CSMD1: variants seen among roughly 807,000 people sequenced by gnomAD.
CSMD1 encodes the protein CUB and Sushi multiple domains 1, also known as CUB and sushi domain-containing protein 1.
In CSMD1, 213 loss-of-function variants were observed where a neutral mutation model predicts 417.5. That is an observed-to-expected ratio of 0.51 (90% CI 0.46 to 0.57). CSMD1 has a LOEUF of 0.57. Among genes scored for constraint, CSMD1 ranks in the 20% least tolerant of loss-of-function variants. The probability of loss-of-function intolerance (pLI) is 0.00; values close to 1 mark genes in which losing one functional copy is unlikely to be tolerated. For missense variants in CSMD1, 6,923 were observed against 4,529.7 expected (o/e 1.53, Z -15.17); for synonymous variants, 2,862 against 1,736.8 (o/e 1.65, Z -16.11).
At chr8:3,120,565 C>T (rs555173451) in intron 41 of CSMD1, among the ~76,000 whole-genome samples, 1 of 152,022 alleles carries the variant, frequency 6.6e-6, no homozygotes, top group Non-Finnish European at 1.5e-5. Context: ...TGACAATGTG[C>T]AGGCTGGGCT....
intron 1 of CSMD1, among the ~76,000 whole-genome samples, chr8:4,884,019 A>C (rs193104845): frequency 6.6e-6 from 1 of 152,038 alleles, no homozygotes; most frequent in African/African-American, 2.4e-5. Flanking sequence ...TTTTGATAAT[A>C]GCCTTCGTAG....
At chr8:3,373,303 C>G (rs1289721717) in intron 18 of CSMD1, 2 of 152,212 alleles carry the variant, frequency 1.3e-5, no homozygotes, top group African/African-American at 2.4e-5. Context: ...ATACCACACA[C>G]AGAACCCGGA....
intron 1 of CSMD1, among the ~76,000 whole-genome samples, chr8:4,988,769 T>C (rs528488158): frequency 6.6e-6 from 1 of 152,242 alleles, no homozygotes; most frequent in Non-Finnish European, 1.5e-5. Context: ...AAATTGCAAC[T>C]GAGCTCAGAA....
chr8:4,104,344 C>T (rs1801456041), intron 3 of CSMD1, among the ~76,000 whole-genome samples: 1 of 152,162 alleles, frequency 6.6e-6, no homozygotes, highest in Non-Finnish European at 1.5e-5. Flanking sequence ...ACACAAAAGG[C>T]ATTAAGACTG....
At chr8:4,856,435 T>A (rs1207425125) in intron 1 of CSMD1, among the ~76,000 whole-genome samples, 1 of 141,770 alleles carries the variant, frequency 7.1e-6, no homozygotes, top group Admixed American at 6.8e-5. Flanking sequence ...TAAATGTCAA[T>A]GGACTAAATG....
intron 8 of CSMD1, among the ~76,000 whole-genome samples, chr8:3,586,926 A>G (rs1463045717): frequency 6.6e-6 from 1 of 152,146 alleles, no homozygotes; most frequent in Non-Finnish European, 1.5e-5. Flanking sequence ...CAGCCTCCTG[A>G]GTAGCTGGGA....
At chr8:3,921,479 G>A (rs896116553) in intron 5 of CSMD1, among the ~76,000 whole-genome samples, 3 of 151,980 alleles carry the variant, frequency 2.0e-5, no homozygotes, top group African/African-American at 7.2e-5. Context: ...GAGGTGTAAA[G>A]TTAGGTTGCT....
chr8:3,726,876 G>C (rs1645859932), intron 6 of CSMD1, among the ~76,000 whole-genome samples: 1 of 152,126 alleles, frequency 6.6e-6, no homozygotes, highest in African/African-American at 2.4e-5. Flanking sequence ...TAGATTTCCT[G>C]TCCCGTTAAA....
At chr8:3,696,465 T>A (rs1271138515) in intron 7 of CSMD1, among the ~76,000 whole-genome samples, 1 of 152,218 alleles carries the variant, frequency 6.6e-6, no homozygotes, top group African/African-American at 2.4e-5. Flanking sequence ...TCTCTGTGAA[T>A]ATAATGCAAA....
At chr8:3,712,934 T>C (rs188911736) in intron 6 of CSMD1, among the ~76,000 whole-genome samples, 9 of 152,292 alleles carry the variant, frequency 5.9e-5, no homozygotes, top group Admixed American at 2.0e-4. Flanking sequence ...TGATACATCA[T>C]TGTGACTGTA....
chr8:4,211,756 A>G (rs1330419426), intron 3 of CSMD1, among the ~76,000 whole-genome samples: 2 of 152,144 alleles, frequency 1.3e-5, no homozygotes, highest in Non-Finnish European at 2.9e-5. Flanking sequence ...GCAAATGTCA[A>G]CCTCCTTCAC....
chr8:4,321,206 A>C (rs1799255124), intron 3 of CSMD1, among the ~76,000 whole-genome samples: 1 of 152,098 alleles, frequency 6.6e-6, no homozygotes, highest in African/African-American at 2.4e-5. Context: ...ATGTGTGTCC[A>C]GTGCATGAAC....
chr8:3,464,575 T>C (rs1816694966), intron 12 of CSMD1, among the ~76,000 whole-genome samples: 1 of 149,788 alleles, frequency 6.7e-6, no homozygotes, highest in South Asian at 2.1e-4. Flanking sequence ...AAATATGATT[T>C]ATAAATATAT....
chr8:3,836,299 G>T (rs558514960), intron 5 of CSMD1, among the ~76,000 whole-genome samples: 18 of 152,230 alleles, frequency 1.2e-4, no homozygotes, highest in African/African-American at 4.3e-4. Context: ...CTTGTAACAA[G>T]TCAAAGCAGT....
chr8:3,941,152 C>A (rs1044487902), intron 5 of CSMD1, among the ~76,000 whole-genome samples: 1 of 151,830 alleles, frequency 6.6e-6, no homozygotes, highest in Non-Finnish European at 1.5e-5. Flanking sequence ...GAAATAAAAG[C>A]ACATTTCAAA....
chr8:4,038,854 G>A (rs527864064), intron 3 of CSMD1, among the ~76,000 whole-genome samples: 4 of 152,248 alleles, frequency 2.6e-5, no homozygotes, highest in South Asian at 4.1e-4. Context: ...GTACATCAGG[G>A]CTTGAAACTT....
intron 59 of CSMD1, among the ~76,000 whole-genome samples, chr8:2,963,711 T>C (rs528550638): frequency 1.8e-4 from 28 of 152,364 alleles, no homozygotes; most frequent in African/African-American, 6.5e-4. Flanking sequence ...TGTCTTTTTA[T>C]GATGGTTACC....
chr8:3,992,611 G>A (rs760579293), intron 5 of CSMD1, among the ~76,000 whole-genome samples: 16 of 152,194 alleles, frequency 1.1e-4, no homozygotes, highest in South Asian at 4.1e-4. Flanking sequence ...CAGTACGTCC[G>A]TGTGTCTACA....
intron 4 of CSMD1, among the ~76,000 whole-genome samples, chr8:4,019,483 T>C (rs1475906900): frequency 6.6e-6 from 1 of 152,000 alleles, no homozygotes; most frequent in Non-Finnish European, 1.5e-5. Flanking sequence ...CCCACTGTTT[T>C]ACTGGGGCCC....
Sources: gnomAD v4.1 joint callset for allele counts (sites outside exome capture counted in the v4.1 genomes callset) on GRCh38, gnomAD v4.1.1 for gene constraint, MANE v1.5 for transcripts, NCBI Gene and HGNC (gene_info 2026-07-23, HGNC 2026-07-21) for gene names.